Variants in MAGI3 observed in about 807,000 individuals in gnomAD.
MAGI3 encodes membrane-associated guanylate kinase, WW and PDZ domain-containing protein 3.
In MAGI3, 43 loss-of-function variants were observed where a neutral mutation model predicts 121.8. The ratio of observed to expected loss-of-function variants is 0.35; its 90% confidence interval spans 0.28 to 0.46. The LOEUF is 0.46. MAGI3 is among the 20% of genes least tolerant of loss of function. The pLI is 1.00. For missense variants in MAGI3, 1,547 were observed against 1,797.3 expected (o/e 0.86, Z 2.52); for synonymous variants, 553 against 639.3 (o/e 0.86, Z 2.04).
intron 1 of MAGI3, among the ~76,000 whole-genome samples, chr1:113,414,004 G>A (rs1424087006): frequency 6.6e-6 from 1 of 152,104 alleles, no homozygotes; most frequent in Non-Finnish European, 1.5e-5. Context: ...GTATGATATT[G>A]GCTGTGGGTT....
chr1:113,636,323 G>T lies in MAGI3; in HGVS notation c.1361-5588G>T, dbSNP rs952295126. ...TAGTTCTTTTAATTGTGATGTTAGG[G>T]TGTCAATTTTGGATCTTTCCTGCTT... On this transcript the variant is annotated intron_variant, in intron 9 of 20. Transcript: ENST00000307546. 3.2e-3 allele frequency among the ~76,000 whole-genome samples: 484 copies of T among 152,206 alleles called. 1 individual carries two copies. Among genetic ancestry groups the T allele is most frequent in the Middle Eastern group, 0.01 (3 of 292 alleles).
At chr1:113,640,146 T>C (rs902937441) in intron 9 of MAGI3, among the ~76,000 whole-genome samples, 1 of 152,162 alleles carries the variant, frequency 6.6e-6, no homozygotes, top group African/African-American at 2.4e-5. Context: ...ACATCGCTGA[T>C]TATTAAAGAA....
At chr1:113,457,888 C>G (rs1654835438) in intron 1 of MAGI3, among the ~76,000 whole-genome samples, 2 of 152,084 alleles carry the variant, frequency 1.3e-5, no homozygotes, top group African/African-American at 2.4e-5. Flanking sequence ...ATGAGGGCAC[C>G]TGTTCTAAGA....
intron 1 of MAGI3, among the ~76,000 whole-genome samples, chr1:113,421,126 A>G (rs926442293): frequency 1.3e-5 from 2 of 151,918 alleles, no homozygotes; most frequent in Non-Finnish European, 2.9e-5. Flanking sequence ...CATGGTATTT[A>G]CCTTTTTTCC....
At chr1:113,656,080 A>G (rs1653455075) in intron 15 of MAGI3, among the ~76,000 whole-genome samples, 1 of 152,234 alleles carries the variant, frequency 6.6e-6, no homozygotes. Context: ...CTCATTAATT[A>G]TCAGGCTGAA....
chr1:113,552,811 C>T (rs1002874062), intron 2 of MAGI3, among the ~76,000 whole-genome samples: 4 of 152,170 alleles, frequency 2.6e-5, no homozygotes, highest in African/African-American at 9.7e-5. Context: ...GACGCAATGA[C>T]ACATCAGTAG....
At chr1:113,507,741 T>A (rs544647471) in intron 1 of MAGI3, among the ~76,000 whole-genome samples, 1 of 152,326 alleles carries the variant, frequency 6.6e-6, no homozygotes, top group South Asian at 2.1e-4. Context: ...AGTGAATGTT[T>A]ACTGAATGAC....
At chr1:113,511,620 G>T (rs1310295531) in intron 1 of MAGI3, among the ~76,000 whole-genome samples, 1 of 152,194 alleles carries the variant, frequency 6.6e-6, no homozygotes, top group Non-Finnish European at 1.5e-5. Context: ...AAGCTAACTT[G>T]ATTGGCTAAG....
chr1:113,585,295 G>T (rs940655479), intron 3 of MAGI3, 92 bp from the exon 4 acceptor site: 18 of 1,207,124 alleles, frequency 1.5e-5, no homozygotes, highest in Non-Finnish European at 2.1e-5. Context: ...AAACTTCTTT[G>T]TGAAAAACAG....
At chr1:113,458,659 G>C (rs1247034159) in intron 1 of MAGI3, among the ~76,000 whole-genome samples, 1 of 152,002 alleles carries the variant, frequency 6.6e-6, no homozygotes. Context: ...GACTACAAGA[G>C]TGTGCCACTG....
At chr1:113,590,427 T>A (rs1032369321) in intron 4 of MAGI3, 57 bp from the exon 5 acceptor site, 2 of 1,557,948 alleles carry the variant, frequency 1.3e-6, no homozygotes. Context: ...AGGTGCTGTT[T>A]GAAGAAGAAT....
At chr1:113,626,166 T>C (rs776311105) in intron 9 of MAGI3, among the ~76,000 whole-genome samples, 19 of 152,164 alleles carry the variant, frequency 1.2e-4, no homozygotes, top group Admixed American at 9.2e-4. Context: ...GGTTTCACCA[T>C]GTTAGCTAGG....
chr1:113,504,928 G>A (rs1237367730), intron 1 of MAGI3, among the ~76,000 whole-genome samples: 1 of 152,144 alleles, frequency 6.6e-6, no homozygotes, highest in African/African-American at 2.4e-5. Context: ...AGGAAAGAAA[G>A]ATATACAGAA....
At chr1:113,661,060 C>A (rs1230353456) in intron 16 of MAGI3, among the ~76,000 whole-genome samples, 1 of 152,108 alleles carries the variant, frequency 6.6e-6, no homozygotes, top group Non-Finnish European at 1.5e-5. Context: ...CCACAGATAC[C>A]TATTAGCTAG....
intron 7 of MAGI3, among the ~76,000 whole-genome samples, chr1:113,615,079 C>T (rs1650374128): frequency 6.6e-6 from 1 of 152,152 alleles, no homozygotes; most frequent in Non-Finnish European, 1.5e-5. Flanking sequence ...TTGAAGCATA[C>T]ACCTAAAGGT....
intron 15 of MAGI3, among the ~76,000 whole-genome samples, chr1:113,654,546 T>C (rs1031064727): frequency 3.9e-5 from 6 of 152,142 alleles, no homozygotes; most frequent in African/African-American, 1.2e-4. Context: ...AAATGTTTCA[T>C]TGAAAGGTAA....
At chr1:113,433,071 T>C (rs751020355) in intron 1 of MAGI3, among the ~76,000 whole-genome samples, 1 of 152,152 alleles carries the variant, frequency 6.6e-6, no homozygotes, top group Admixed American at 6.6e-5. Context: ...CTGGTGGTCA[T>C]AGAATGGTAT....
chr1:113,597,348 T>A (rs774081717), intron 6 of MAGI3, among the ~76,000 whole-genome samples: 1 of 152,190 alleles, frequency 6.6e-6, no homozygotes, highest in Non-Finnish European at 1.5e-5. Context: ...GCATGAGGAA[T>A]CTTCTTGGAG....
At chr1:113,395,444 C>T (rs1435910585) in intron 1 of MAGI3, among the ~76,000 whole-genome samples, 2 of 151,026 alleles carry the variant, frequency 1.3e-5, no homozygotes, top group African/African-American at 4.9e-5. Flanking sequence ...GTTTTGGATT[C>T]TGTTCATTGA....
Sources: gnomAD v4.1 joint callset for allele counts (sites outside exome capture counted in the v4.1 genomes callset) on GRCh38, gnomAD v4.1.1 for gene constraint, MANE v1.5 for transcripts, NCBI Gene and HGNC (gene_info 2026-07-23, HGNC 2026-07-21) for gene names.